The following DHX35 variants were observed in gnomAD, a reference collection of about 807,000 sequenced individuals.
DHX35 encodes the protein probable ATP-dependent RNA helicase DHX35.
A neutral mutation model predicts 99.6 loss-of-function variants in DHX35; 84 were observed. The observed-to-expected ratio is 0.84, with a 90% CI of 0.71 to 1.01. The LOEUF (loss-of-function observed/expected upper bound fraction) is 1.01, where lower values mean the gene tolerates loss of function less well. Among genes scored for constraint, DHX35 ranks in the 50% least tolerant of loss-of-function variants. The probability of loss-of-function intolerance (pLI) is 0.00; values close to 1 mark genes in which losing one functional copy is unlikely to be tolerated. For missense variants in DHX35, 852 were observed against 888.5 expected (o/e 0.96, Z 0.52); for synonymous variants, 331 against 316.2 (o/e 1.05, Z -0.50).
chr20:39,034,420 C>T (rs955993263), intron 21 of DHX35, 103 bp downstream of exon 21: 1 of 932,722 alleles, frequency 1.1e-6, no homozygotes, highest in African/African-American at 1.6e-5. Context: ...TGTGTTCCCC[C>T]TAGGGGTGCA....
intron 12 of DHX35, among the ~76,000 whole-genome samples, chr20:39,007,470 G>T (rs533484307): frequency 2.2e-4 from 34 of 152,318 alleles, no homozygotes; most frequent in African/African-American, 7.5e-4. Flanking sequence ...CTGCCCAGCA[G>T]ATCTTCCTTA....
At chr20:39,018,323 AC>A (rs2086818606) in intron 14 of DHX35, among the ~76,000 whole-genome samples, 1 of 152,054 alleles carries the variant, frequency 6.6e-6, no homozygotes, top group Non-Finnish European at 1.5e-5. Flanking sequence ...ATGGCAGAGA[AC>A]CAGGAGAGTT....
At chr20:39,031,372 C>G (rs568965535) in intron 20 of DHX35, among the ~76,000 whole-genome samples, 1 of 145,406 alleles carries the variant, frequency 6.9e-6, no homozygotes, top group African/African-American at 2.5e-5. Context: ...TTCGCTCTGT[C>G]GCCCAGGCTG....
At chr20:38,977,171 T>C (rs1601372561) in intron 3 of DHX35, among the ~76,000 whole-genome samples, 1 of 152,312 alleles carries the variant, frequency 6.6e-6, no homozygotes. Flanking sequence ...AACCTCCATA[T>C]TGTTGTCCAT....
chr20:38,970,633 A>T (rs887436454), intron 2 of DHX35, among the ~76,000 whole-genome samples: 1 of 152,206 alleles, frequency 6.6e-6, no homozygotes, highest in Non-Finnish European at 1.5e-5. Flanking sequence ...TTTATCTGTG[A>T]TGTAGGACTA....
intron 1 of DHX35, among the ~76,000 whole-genome samples, chr20:38,967,371 A>G (rs1206686583): frequency 2.0e-5 from 3 of 152,222 alleles, no homozygotes; most frequent in Non-Finnish European, 4.4e-5. Context: ...GTGCCCCAGC[A>G]GGAGGCTGTA....
In DHX35 at chr20:39,003,792, G is replaced by C. The variant is rs780401726; in HGVS notation, c.896G>C (p.Arg299Pro). Residue 299 changes from arginine (R) to proline (P), a missense_variant, in exon 11 of 22, where the codon CGA (arginine) becomes CCA (proline). Physicochemically the swap from Arg to Pro is moderately radical, Grantham distance 103. Transcript: ENST00000252011. ...TVVSMLIEQA[R>P]ALARTGMKRH... ...GTGTCGATGCTCATCGAGCAGGCTC[G>C]AGCACTAGCTCGCACTGGGATGAAG... The C allele has an allele frequency of 6.2e-7, 1 of 1,614,018 alleles. No individual in the cohort carries two copies. Among genetic ancestry groups the C allele is most frequent in the Admixed American group, 1.7e-5 (1 of 60,002 alleles).
chr20:39,012,592 C>T (rs2086721456), intron 13 of DHX35, among the ~76,000 whole-genome samples: 2 of 151,558 alleles, frequency 1.3e-5, no homozygotes, highest in Middle Eastern at 3.4e-3. Context: ...TGCAGTTGTG[C>T]GATCTCAGCT....
intron 21 of DHX35, among the ~76,000 whole-genome samples, chr20:39,036,582 C>T (rs559485709): frequency 6.6e-5 from 10 of 151,748 alleles, no homozygotes; most frequent in Non-Finnish European, 7.4e-5. Flanking sequence ...AAAAATTAGC[C>T]GGGCATGGTG....
chr20:38,988,942 T>G, intron 5 of DHX35, 25 bp downstream of exon 5: 1 of 1,606,002 alleles, frequency 6.2e-7, no homozygotes, highest in Non-Finnish European at 8.5e-7. Context: ...CTGCTTTTCC[T>G]AGTGGAAATA....
At chr20:38,991,547 A>G (rs1233652491) in intron 6 of DHX35, 32 bp downstream of exon 6, 7 of 1,595,542 alleles carry the variant, frequency 4.4e-6, no homozygotes, top group Non-Finnish European at 8.6e-7. Context: ...TAGCTTTCCT[A>G]GTTTCCAAAG....
At chr20:39,034,382 C>T in intron 21 of DHX35, 65 bp downstream of exon 21, 4 of 1,380,722 alleles carry the variant, frequency 2.9e-6, no homozygotes, top group Non-Finnish European at 4.1e-6. Flanking sequence ...TTTAAATGTA[C>T]TTTTTTTCTC....
chr20:38,978,960 A>G (rs1343556357), intron 3 of DHX35, among the ~76,000 whole-genome samples: 2 of 152,130 alleles, frequency 1.3e-5, no homozygotes, highest in Non-Finnish European at 2.9e-5. Flanking sequence ...TCCTTTCCCT[A>G]AGATGTGTTC....
In DHX35 at chr20:39,022,839, A is replaced by G. The variant is rs546124022; in HGVS notation, c.1594-851A>G. ...AAGTTTTGATACTGAAGAGATAGATACTCAGAAGTAAGGTGTGTTGATAGA... is the reference window on the plus strand; with the variant it reads ...AAGTTTTGATACTGAAGAGATAGATGCTCAGAAGTAAGGTGTGTTGATAGA... On this transcript the variant is annotated intron_variant, in intron 16 of 21. Transcript: ENST00000252011. Among the ~76,000 whole-genome samples the G allele has an allele frequency of 5.3e-4, 81 of 152,350 alleles. 1 individual carries two copies. In the South Asian group the frequency reaches 0.017, roughly 31 times the overall value.
rs2086361172 is a variant in DHX35 at position 38,992,779 on chromosome 20, G to A, written c.582+354G>A. ...TTCTCTGAAGATATTATTTTTAATG[G>A]CTATTTAATCACATCTCTATCATAA... is the stretch of plus-strand genomic sequence containing the variant. On this transcript the variant is annotated intron_variant, in intron 7 of 21. Coordinates refer to ENST00000252011, the MANE Select transcript of DHX35 (RefSeq NM_021931.4). 2.6e-5 allele frequency among the ~76,000 whole-genome samples: 4 copies of A among 151,902 alleles called. No individual in the cohort carries two copies. The South Asian group carries it at 6.2e-4, about 24-fold the overall frequency.
In DHX35 at chr20:39,018,890, C is replaced by T. The variant is rs1421410942; in HGVS notation, c.1489C>T (p.Leu497Phe). 3 of 1,613,818 alleles carry T rather than the reference C, an allele frequency of 1.9e-6. No homozygotes were observed. The highest frequency in any genetic ancestry group is 2.5e-6 in the Non-Finnish European group (3 of 1,179,940). Residue 497 changes from leucine to phenylalanine, a missense_variant, in exon 15 of 22, where the codon CTT becomes TTT. By Grantham distance (22) the Leu-to-Phe change is conservative. Transcript: ENST00000252011. The part of the protein sequence containing the change: ...PLNPMFAKML[L>F]ESGNFGCSQE... ...GAATCCCATGTTTGCCAAAATGCTG[C>T]TTGAATCAGGTGGGTAGAGCCTGAT...
At chr20:38,995,711 A>G (rs936658529) in intron 8 of DHX35, among the ~76,000 whole-genome samples, 1 of 152,216 alleles carries the variant, frequency 6.6e-6, no homozygotes, top group Admixed American at 6.5e-5. Context: ...GTGTGTTCAA[A>G]GTTCTGAGGC....
At chr20:38,964,284 A>G (rs1410690335) in intron 1 of DHX35, among the ~76,000 whole-genome samples, 1 of 152,236 alleles carries the variant, frequency 6.6e-6, no homozygotes, top group East Asian at 1.9e-4. Flanking sequence ...CCAGAAAGCC[A>G]AAATAACAGA....
intron 13 of DHX35, among the ~76,000 whole-genome samples, chr20:39,011,057 T>G (rs1318352892): frequency 6.6e-6 from 1 of 152,124 alleles, no homozygotes; most frequent in Non-Finnish European, 1.5e-5. Context: ...GAAATCACCT[T>G]TATTATAATT....
Sources: gnomAD v4.1 joint callset for allele counts (sites outside exome capture counted in the v4.1 genomes callset) on GRCh38, gnomAD v4.1.1 for gene constraint, MANE v1.5 for transcripts, NCBI Gene and HGNC (gene_info 2026-07-23, HGNC 2026-07-21) for gene names.